REL: variants seen among roughly 807,000 people sequenced by gnomAD.
The protein encoded by REL is proto-oncogene c-Rel.
Under a neutral mutation model 45.9 loss-of-function variants are expected in REL, and 15 were observed. The ratio of observed to expected loss-of-function variants is 0.33; its 90% confidence interval spans 0.22 to 0.50. The LOEUF is 0.50. REL is among the 20% of genes least tolerant of loss of function. The probability of loss-of-function intolerance (pLI) is 0.98; values close to 1 mark genes in which losing one functional copy is unlikely to be tolerated. For synonymous variants in REL, 239 were observed against 242.1 expected, an observed-to-expected ratio of 0.99 and a Z score of 0.12; for missense variants, 601 against 715.2, an observed-to-expected ratio of 0.84 and a Z score of 1.82.
chr2:60,921,898 C>G lies in REL; in HGVS notation c.1127C>G (p.Pro376Arg). 3 of 1,614,140 alleles carry G rather than the reference C, an allele frequency of 1.9e-6. No homozygotes were observed. The highest frequency in any genetic ancestry group is 2.5e-6 in the Non-Finnish European group (3 of 1,180,028). Residue 376 changes from proline (P) to arginine (R), a missense_variant, in exon 10 of 10, where the codon CCT (proline) becomes CGT (arginine). Pro to Arg is a moderately radical substitution (Grantham distance 103, BLOSUM62 -2). Transcript: ENST00000394479. ...CATCATGCCTCAATGGCACCTCTGC[C>G]TTCTTCAAGCTGGTCATCAGTGGCC... ...LSHHASMAPLPSSSWSSVAHP... is the reference protein window; with the variant it reads ...LSHHASMAPLRSSSWSSVAHP...
At chr2:60,912,980 A>G (rs527707968) in intron 4 of REL, among the ~76,000 whole-genome samples, 2 of 152,302 alleles carry the variant, frequency 1.3e-5, no homozygotes. Context: ...TCAACATTTT[A>G]AAAACTTTTG....
intron 4 of REL, among the ~76,000 whole-genome samples, chr2:60,901,348 G>C (rs561737356): frequency 6.6e-6 from 1 of 151,882 alleles, no homozygotes. Context: ...TTTAAGTAGA[G>C]ACGGGGTTTC....
intron 3 of REL, among the ~76,000 whole-genome samples, chr2:60,894,786 A>T (rs1322307750): frequency 6.6e-6 from 1 of 151,360 alleles, no homozygotes; most frequent in African/African-American, 2.4e-5. Flanking sequence ...GTAAACGTAA[A>T]CTTCTTGTAT....
Position 60,922,755 on chromosome 2 carries a change from A to G in REL, c.*220A>G, listed in dbSNP as rs557852758. On this transcript the variant is annotated 3_prime_UTR_variant, in exon 10 of 10. Coordinates refer to ENST00000394479, the MANE Select transcript of REL (RefSeq NM_001291746.2). ...AATTGGAAGCTGTCATAAAAAGACA[A>G]CTCAGAGGCCAGGCGCAGGGGCTCA... 149 of 1,140,724 alleles carry G rather than the reference A, an allele frequency of 1.3e-4. No individual in the cohort carries two copies. The African/African-American group carries it at 2.2e-3, about 17-fold the overall frequency. 70.7% of individuals were successfully genotyped at this position (1,140,724 alleles called of 1,614,324 possible). A position where few individuals can be genotyped will look rare whatever the true frequency, so the allele number is the denominator to read the frequency against.
chr2:60,890,586 C>T (rs1379546862), intron 1 of REL, among the ~76,000 whole-genome samples: 1 of 152,148 alleles, frequency 6.6e-6, no homozygotes, highest in Non-Finnish European at 1.5e-5. Flanking sequence ...ATTAACTCCC[C>T]TACTTGCAAG....
intron 1 of REL, among the ~76,000 whole-genome samples, chr2:60,890,494 A>C (rs1167508786): frequency 6.6e-6 from 1 of 152,192 alleles, no homozygotes; most frequent in Non-Finnish European, 1.5e-5. Flanking sequence ...TTGCGTTCTA[A>C]CAGGATAAGC....
intron 3 of REL, among the ~76,000 whole-genome samples, chr2:60,897,842 C>G (rs1282430580): frequency 7.1e-6 from 1 of 140,350 alleles, no homozygotes; most frequent in African/African-American, 2.7e-5. Context: ...GCCTGGGCAA[C>G]AGAGCGAGAT....
In REL at chr2:60,930,319, G is replaced by C. The variant is rs1370354299; in HGVS notation, c.*7784G>C. ...AGTTATCTAATACACAGCAGAGTGA[G>C]AAAAATCATTATGGATTAGGTTCTT... On this transcript the variant is annotated 3_prime_UTR_variant, in exon 10 of 10. Coordinates refer to ENST00000394479, the MANE Select transcript of REL (RefSeq NM_001291746.2). 6.6e-6 allele frequency: 1 copy of C among 152,320 alleles called. No individual in the cohort carries two copies. Among genetic ancestry groups the C allele is most frequent in the Non-Finnish European group, 1.5e-5 (1 of 68,020 alleles). The allele number at this position is 152,320 out of a possible 1,614,324, so 9.4% of individuals were successfully genotyped here.
chr2:60,926,836 C>G lies in REL; in HGVS notation c.*4301C>G. 1 of 226,978 alleles carries G rather than the reference C, an allele frequency of 4.4e-6. No individual in the cohort carries two copies. Among genetic ancestry groups the G allele is most frequent in the Non-Finnish European group, 8.8e-6 (1 of 113,988 alleles). The allele number at this position is 226,978 out of a possible 1,614,324, so 14.1% of individuals were successfully genotyped here. ...ATATGTCCCTTCTTAATTCCTGCTGCCTTCTTAGTAAAGGCCTTCATTCTT... is the reference window on the plus strand; with the variant it reads ...ATATGTCCCTTCTTAATTCCTGCTGGCTTCTTAGTAAAGGCCTTCATTCTT... On this transcript the variant is annotated 3_prime_UTR_variant, in exon 10 of 10. Coordinates refer to ENST00000394479, the MANE Select transcript of REL (RefSeq NM_001291746.2).
At chr2:60,905,241 CCCGCCA>C (rs1673610227) in intron 4 of REL, among the ~76,000 whole-genome samples, 1 of 152,122 alleles carries the variant, frequency 6.6e-6, no homozygotes, top group African/African-American at 2.4e-5. Flanking sequence ...ACTATAGGCA[CCCGCCA>C]CCGCACCCGG....
At chr2:60,888,495 G>T (rs1673126308) in intron 1 of REL, among the ~76,000 whole-genome samples, 1 of 152,176 alleles carries the variant, frequency 6.6e-6, no homozygotes, top group South Asian at 2.1e-4. Context: ...ATATATAAGG[G>T]TATGAAATAT....
rs1029228506 is a variant in REL at position 60,925,761 on chromosome 2, C to A, written c.*3226C>A. ...TAATTAGCACCAATCAGTTTAAACACTGACTGTTAGAATAGCTGCATGGGT... is the reference window on the plus strand; with the variant it reads ...TAATTAGCACCAATCAGTTTAAACAATGACTGTTAGAATAGCTGCATGGGT... On this transcript the variant is annotated 3_prime_UTR_variant, in exon 10 of 10. Coordinates refer to ENST00000394479, the MANE Select transcript of REL (RefSeq NM_001291746.2). 1.6e-4 allele frequency: 33 copies of A among 201,998 alleles called. No individual in the cohort carries two copies. Among genetic ancestry groups the A allele is most frequent in the African/African-American group, 7.4e-4 (32 of 43,356 alleles). 12.5% of individuals were successfully genotyped at this position (201,998 alleles called of 1,614,324 possible).
At chr2:60,889,586 G>A (rs1673156921) in intron 1 of REL, among the ~76,000 whole-genome samples, 1 of 151,928 alleles carries the variant, frequency 6.6e-6, no homozygotes, top group Admixed American at 6.6e-5. Flanking sequence ...TTAACATTAG[G>A]TATATCTCCT....
At chr2:60,890,067 T>A (rs1008690500) in intron 1 of REL, among the ~76,000 whole-genome samples, 4 of 152,194 alleles carry the variant, frequency 2.6e-5, no homozygotes, top group African/African-American at 7.2e-5. Flanking sequence ...TCCCACCAAC[T>A]GTGTAAAAGT....
At position 60,923,306 on chromosome 2, in the gene REL, G is replaced by T. The variant is rs1674193612; in HGVS notation, c.*771G>T. On this transcript the variant is annotated 3_prime_UTR_variant, in exon 10 of 10. Transcript: ENST00000394479. Reference sequence around the variant, plus strand: ...AAGGCAGTTGAAGTGAGCTTTCAAGGTATGGGAGGTTTTCTACATTTTATA... The same window carrying T: ...AAGGCAGTTGAAGTGAGCTTTCAAGTTATGGGAGGTTTTCTACATTTTATA... 1 of 223,998 alleles carries T rather than the reference G, an allele frequency of 4.5e-6. No individual in the cohort carries two copies. The highest frequency in any genetic ancestry group is 1.8e-4 in the South Asian group (1 of 5,448). 13.9% of individuals were successfully genotyped at this position (223,998 alleles called of 1,614,324 possible).
chr2:60,891,918 A>T, intron 2 of REL, 93 bp downstream of exon 2: 1 of 1,217,708 alleles, frequency 8.2e-7, no homozygotes, highest in Non-Finnish European at 1.1e-6. Flanking sequence ...CTTCACAGTC[A>T]TCTCCACAGG....
rs1674373633 is a variant in REL at position 60,931,045 on chromosome 2, AGTTTT to A, written c.*8511_*8515del. The stretch of plus-strand genomic sequence containing the variant: ...TAAACTTTATTATCTAATCAAACAT[AGTTTT>A]CCATAAGATGTAATAAAATATAGAT... On this transcript the variant is annotated 3_prime_UTR_variant, in exon 10 of 10. Transcript: ENST00000394479. 1 of 152,370 alleles carries A rather than the reference AGTTTT, an allele frequency of 6.6e-6. No individual in the cohort carries two copies. The allele number at this position is 152,370 out of a possible 1,614,324, so 9.4% of individuals were successfully genotyped here. A position where few individuals can be genotyped will look rare whatever the true frequency, so the allele number is the denominator to read the frequency against.
Position 60,929,673 on chromosome 2 carries a change from G to A in REL, c.*7138G>A, listed in dbSNP as rs1425395956. ...ATATCACACTGGGGACTGTTGTGGG[G>A]TGGGGGGAGGGGGGAGGGATAGCAT... On this transcript the variant is annotated 3_prime_UTR_variant, in exon 10 of 10. Transcript: ENST00000394479. 8.8e-6 allele frequency: 1 copy of A among 114,260 alleles called. No individual in the cohort carries two copies. Among genetic ancestry groups the A allele is most frequent in the East Asian group, 3.0e-4 (1 of 3,310 alleles). The allele number at this position is 114,260 out of a possible 1,614,324, so 7.1% of individuals were successfully genotyped here. A position where few individuals can be genotyped will look rare whatever the true frequency, so the allele number is the denominator to read the frequency against.
chr2:60,926,294 T>G lies in REL; in HGVS notation c.*3759T>G. 4.3e-6 allele frequency: 1 copy of G among 231,982 alleles called. No homozygotes were observed. The highest frequency in any genetic ancestry group is 8.5e-6 in the Non-Finnish European group (1 of 117,064). 14.4% of individuals were successfully genotyped at this position (231,982 alleles called of 1,614,324 possible). Reference sequence around the variant, plus strand: ...TTGGATGCATTTGCATCCTGACTTCTGAAATGCCTCCAGCCTCCATTTTCT... The same window carrying G: ...TTGGATGCATTTGCATCCTGACTTCGGAAATGCCTCCAGCCTCCATTTTCT... On this transcript the variant is annotated 3_prime_UTR_variant, in exon 10 of 10. Transcript: ENST00000394479.
Sources: gnomAD v4.1 joint callset for allele counts (sites outside exome capture counted in the v4.1 genomes callset) on GRCh38, gnomAD v4.1.1 for gene constraint, MANE v1.5 for transcripts, NCBI Gene and HGNC (gene_info 2026-07-23, HGNC 2026-07-21) for gene names.